Variants in HMGN5 observed in about 807,000 individuals in gnomAD.
HMGN5 encodes the protein high mobility group nucleosome-binding domain-containing protein 5.
HMGN5 carries 4 observed loss-of-function variants against 9.5 expected under a neutral mutation model. The ratio of observed to expected loss-of-function variants is 0.42; its 90% CI spans 0.21 to 0.96. HMGN5 has a LOEUF of 0.96. HMGN5 is among the 40% of genes least tolerant of loss of function. The pLI is 0.30. For synonymous variants in HMGN5, 55 were observed against 57.1 expected (o/e 0.96, Z 0.16); for missense variants, 192 against 187.5 (o/e 1.02, Z -0.14).
At chrX:81,147,374 A>C (rs756264584) in intron 1 of HMGN5, among the ~76,000 whole-genome samples, 1 of 112,100 alleles carries the variant, frequency 8.9e-6, no homozygotes, top group Non-Finnish European at 1.9e-5. Flanking sequence ...TCCATCACAT[A>C]AACAGAACCA....
At chrX:81,154,944 C>T (rs1229040548) in intron 1 of HMGN5, among the ~76,000 whole-genome samples, 1 of 107,782 alleles carries the variant, frequency 9.3e-6, no homozygotes, top group Non-Finnish European at 1.9e-5. Flanking sequence ...AGTACAACCA[C>T]TGTAGGAAAC....
chrX:81,154,187 T>C (rs1311928144), intron 1 of HMGN5, among the ~76,000 whole-genome samples: 1 of 111,064 alleles, frequency 9.0e-6, no homozygotes, highest in African/African-American at 3.3e-5. Context: ...AGGAATAGAA[T>C]AGAAAACTCA....
At chrX:81,116,703 T>G (rs2075254728) in intron 5 of HMGN5, among the ~76,000 whole-genome samples, 1 of 112,059 alleles carries the variant, frequency 8.9e-6, no homozygotes, top group African/African-American at 3.2e-5. Context: ...GAGGGTCAGT[T>G]TATTTCTGTC....
intron 1 of HMGN5, among the ~76,000 whole-genome samples, chrX:81,158,223 TTGTC>T (rs1258167329): frequency 1.8e-5 from 2 of 112,366 alleles, no homozygotes; most frequent in Non-Finnish European, 3.8e-5. Flanking sequence ...CCTTCCAGTG[TTGTC>T]CTAATGAAAA....
At position 81,198,662 on chromosome X, in the gene HMGN5, C is replaced by T. The variant is rs193123200; in HGVS notation, c.-124+3075G>A. 4.8e-3 allele frequency among the ~76,000 whole-genome samples: 538 copies of T among 111,325 alleles called. 3 individuals carry two copies. The highest frequency in any genetic ancestry group is 0.016 in the African/African-American group (494 of 30,608). On this transcript the variant is annotated intron_variant, in intron 1 of 6. Coordinates refer to ENST00000358130, the MANE Select transcript of HMGN5 (RefSeq NM_030763.3). ...TCTCAATAGATGCAGAAAAGGCCTT[C>T]GAAAAAATTTAACAGCCCTTCATGC...
intron 1 of HMGN5, among the ~76,000 whole-genome samples, chrX:81,129,331 A>G (rs2075292653): frequency 9.5e-6 from 1 of 104,903 alleles, no homozygotes; most frequent in Non-Finnish European, 2.0e-5. Flanking sequence ...ATTTTTAAAA[A>G]TTGAATAGAT....
intron 1 of HMGN5, among the ~76,000 whole-genome samples, chrX:81,127,663 T>C (rs781362281): frequency 4.6e-4 from 51 of 111,510 alleles, no homozygotes; most frequent in African/African-American, 1.6e-3. Context: ...TGTTTCGTTT[T>C]GTTGTAAATT....
intron 3 of HMGN5, among the ~76,000 whole-genome samples, chrX:81,119,457 T>C (rs948105034): frequency 4.5e-5 from 5 of 111,829 alleles, no homozygotes; most frequent in African/African-American, 1.3e-4. Context: ...GTAAGCAACA[T>C]GTAAGCCTGT....
chrX:81,149,875 A>C (rs904368939), intron 1 of HMGN5, among the ~76,000 whole-genome samples: 3 of 112,025 alleles, frequency 2.7e-5, no homozygotes, highest in Non-Finnish European at 5.6e-5. Context: ...TTAAACATTT[A>C]TGCACCCAAC....
At chrX:81,178,506 C>T (rs1048411162) in intron 1 of HMGN5, among the ~76,000 whole-genome samples, 2 of 111,436 alleles carry the variant, frequency 1.8e-5, no homozygotes, top group African/African-American at 3.3e-5. Context: ...CAAGACTAAA[C>T]CAGGAAGAAT....
chrX:81,158,494 C>T (rs2075389554), intron 1 of HMGN5, among the ~76,000 whole-genome samples: 1 of 112,009 alleles, frequency 8.9e-6, no homozygotes, highest in South Asian at 3.7e-4. Flanking sequence ...TGTTCATGTC[C>T]TTTGCCCACT....
intron 1 of HMGN5, among the ~76,000 whole-genome samples, chrX:81,191,389 T>C (rs2075493851): frequency 8.9e-6 from 1 of 112,209 alleles, no homozygotes. Context: ...CCACTAAGTA[T>C]ACTGTTTGCT....
chrX:81,150,214 T>C (rs1390119463), intron 1 of HMGN5, among the ~76,000 whole-genome samples: 1 of 111,720 alleles, frequency 9.0e-6, no homozygotes, highest in Non-Finnish European at 1.9e-5. Flanking sequence ...AAGCATCCTC[T>C]CTGAACACAA....
intron 1 of HMGN5, among the ~76,000 whole-genome samples, chrX:81,147,642 C>G (rs2075348964): frequency 9.0e-6 from 1 of 110,704 alleles, no homozygotes; most frequent in African/African-American, 3.3e-5. Context: ...GGCAATCAGG[C>G]AAGAGAAAGA....
At chrX:81,158,065 C>A (rs1326583810) in intron 1 of HMGN5, among the ~76,000 whole-genome samples, 3 of 111,388 alleles carry the variant, frequency 2.7e-5, no homozygotes, top group Non-Finnish European at 3.8e-5. Context: ...CAGGTGTGAG[C>A]CACCAGGCCC....
chrX:81,144,891 A>G (rs1051837933), intron 1 of HMGN5, among the ~76,000 whole-genome samples: 5 of 112,009 alleles, frequency 4.5e-5, no homozygotes, highest in Non-Finnish European at 9.4e-5. Context: ...AGTGGAAGAA[A>G]TGATACCAGA....
chrX:81,116,408 C>T, intron 5 of HMGN5, 67 bp from the exon 6 acceptor site: 2 of 752,758 alleles, frequency 2.7e-6, no homozygotes, highest in Middle Eastern at 4.0e-4. Context: ...TAAATGGTCA[C>T]AATTATTTTA....
At chrX:81,134,302 G>T (rs1159711870) in intron 1 of HMGN5, among the ~76,000 whole-genome samples, 1 of 111,224 alleles carries the variant, frequency 9.0e-6, no homozygotes, top group African/African-American at 3.3e-5. Flanking sequence ...TATTGAACTT[G>T]AGTGTTCCAA....
At chrX:81,165,882 T>C (rs1254905168) in intron 1 of HMGN5, among the ~76,000 whole-genome samples, 2 of 111,736 alleles carry the variant, frequency 1.8e-5, no homozygotes, top group Non-Finnish European at 1.9e-5. Context: ...TAATAACAGA[T>C]ATCAGCTGCA....
Sources: gnomAD v4.1 joint callset for allele counts (sites outside exome capture counted in the v4.1 genomes callset) on GRCh38, gnomAD v4.1.1 for gene constraint, MANE v1.5 for transcripts, NCBI Gene and HGNC (gene_info 2026-07-23, HGNC 2026-07-21) for gene names.